MS4A7: variants seen among roughly 807,000 people sequenced by gnomAD.
The protein encoded by MS4A7 is membrane spanning 4-domains A7.
MS4A7 carries 21 observed loss-of-function variants against 23.5 expected under a neutral mutation model. The ratio of observed to expected loss-of-function variants is 0.89; its 90% CI spans 0.63 to 1.29. The LOEUF (loss-of-function observed/expected upper bound fraction) is 1.29. Ranked by LOEUF, MS4A7 falls within the 50% of genes most tolerant of loss-of-function variation. MS4A7 has a pLI of 0.00. For missense variants in MS4A7, 263 were observed against 274.2 expected (o/e 0.96, Z 0.29); for synonymous variants, 111 against 107.4 (o/e 1.03, Z -0.21).
chr11:60,392,864 A>T, intron 6 of MS4A7, 78 bp downstream of exon 6: 1 of 1,029,246 alleles, frequency 9.7e-7, no homozygotes, highest in Non-Finnish European at 1.5e-6. Flanking sequence ...AAAAAGTGGC[A>T]AAAAGAAGAA....
intron 1 of MS4A7, among the ~76,000 whole-genome samples, chr11:60,379,958 C>T (rs1190701336): frequency 6.6e-6 from 1 of 152,208 alleles, no homozygotes; most frequent in Non-Finnish European, 1.5e-5. Context: ...GCCCATTAAA[C>T]AATAGCTTTC....
chr11:60,386,131 C>T (rs1414852000), intron 3 of MS4A7, among the ~76,000 whole-genome samples: 1 of 152,214 alleles, frequency 6.6e-6, no homozygotes, highest in Non-Finnish European at 1.5e-5. Context: ...AACTTTTCAG[C>T]TTCTCAGAAT....
chr11:60,380,601 C>T (rs1450142335), intron 1 of MS4A7, among the ~76,000 whole-genome samples: 3 of 152,028 alleles, frequency 2.0e-5, no homozygotes, highest in Non-Finnish European at 2.9e-5. Context: ...GTATGAGATT[C>T]GAAAAATAAA....
At position 60,393,827 on chromosome 11, in the gene MS4A7, AG is replaced by A; in HGVS notation, c.691del (p.Val231SerfsTer12). 1.2e-6 allele frequency: 2 copies of A among 1,612,192 alleles called. No homozygotes were observed. Among genetic ancestry groups the A allele is most frequent in the Non-Finnish European group, 1.7e-6 (2 of 1,179,322 alleles). On this transcript the variant is annotated frameshift_variant, in exon 7 of 7. Transcript: ENST00000300184. LOFTEE classifies it low-confidence loss of function (END_TRUNC). ...SSTQSQDHIQQVKKSSSRSWI is the reference protein window; with the variant it reads ...SSTQSQDHIQXVKKSSSRSWI Reference sequence around the variant, plus strand: ...ACCCAGTCACAAGATCATATCCAACAGGTCAAAAAGAGTTCTTCACGGTCTT... The same window carrying A: ...ACCCAGTCACAAGATCATATCCAACAGTCAAAAAGAGTTCTTCACGGTCTT...
rs371887259 is a variant in MS4A7 at position 60,385,002 on chromosome 11, ACT to A, written c.148-83_148-82del. On this transcript the variant is annotated intron_variant, in intron 2 of 6. Transcript: ENST00000300184. ...TATAACAAATTATAATGTATTTTAT[ACT>A]CTTTATACTTTACCGTGTGCATTCA... 1.1e-3 allele frequency: 1,359 copies of A among 1,240,152 alleles called. 13 individuals are homozygous for A. In the African/African-American group the frequency reaches 0.018, roughly 17 times the overall value. The allele number at this position is 1,240,152 out of a possible 1,614,324, so 76.8% of individuals were successfully genotyped here. A position where few individuals can be genotyped will look rare whatever the true frequency, so the allele number is the denominator to read the frequency against.
intron 5 of MS4A7, among the ~76,000 whole-genome samples, chr11:60,391,073 C>A (rs2085545095): frequency 6.6e-6 from 1 of 152,134 alleles, no homozygotes; most frequent in African/African-American, 2.4e-5. Context: ...ACATCCATGA[C>A]AAGATTTGGC....
At chr11:60,386,998 A>C (rs1411206316) in intron 4 of MS4A7, among the ~76,000 whole-genome samples, 1 of 152,184 alleles carries the variant, frequency 6.6e-6, no homozygotes, top group Non-Finnish European at 1.5e-5. Flanking sequence ...TTGCTCCTGG[A>C]TTATATTCCA....
Position 60,386,704 on chromosome 11 carries a change from C to G in MS4A7, c.283-13C>G, listed in dbSNP as rs200601382. On this transcript the variant is annotated splice_polypyrimidine_tract_variant and intron_variant, in intron 3 of 6. Transcript: ENST00000300184. ...AGACAACTGAACTGATCATTTCTCT[C>G]TCTTCTGGGCAGTTTGGCATTACTG... 1 of 1,607,650 alleles carries G rather than the reference C, an allele frequency of 6.2e-7. No individual in the cohort carries two copies. The highest frequency in any genetic ancestry group is 1.1e-5 in the South Asian group (1 of 90,572).
intron 5 of MS4A7, among the ~76,000 whole-genome samples, chr11:60,390,691 A>G (rs995168353): frequency 6.6e-6 from 1 of 152,160 alleles, no homozygotes; most frequent in African/African-American, 2.4e-5. Context: ...TAATTTAAAG[A>G]AAATGAATTT....
At chr11:60,381,541 G>A (rs1484042942) in intron 1 of MS4A7, among the ~76,000 whole-genome samples, 2 of 152,172 alleles carry the variant, frequency 1.3e-5, no homozygotes, top group Admixed American at 6.5e-5. Context: ...ATCCTCACAA[G>A]AGTCCTTCAG....
Position 60,383,279 on chromosome 11 carries a change from C to T in MS4A7, c.138C>T (p.Thr46=), listed in dbSNP as rs779202459. The T allele has an allele frequency of 1.5e-5, 24 of 1,613,914 alleles. No individual in the cohort carries two copies. Among genetic ancestry groups the T allele is most frequent in the Non-Finnish European group, 1.7e-5 (20 of 1,179,972 alleles). ...AGAACGGGCTGCCAACAGAAACCAC[C>T]GTTCTTGGGGTAAGTCCACCTCATT... ...YLQNGLPTET[T]VLGTVQILCC... The change falls in exon 2 of 7, where the codon ACC becomes ACT. Residue 46 remains threonine, a synonymous_variant. Coordinates refer to ENST00000300184, the MANE Select transcript of MS4A7 (RefSeq NM_021201.5).
rs764962853 is a variant in MS4A7, at chr11:60,385,214, G to A, written c.274G>A (p.Ala92Thr). The change falls in exon 3 of 7, where the codon GCT (alanine) becomes ACT (threonine). Residue 92 changes from alanine (A) to threonine (T), a missense_variant. Physicochemically the swap from Ala to Thr is moderately conservative, Grantham distance 58 (BLOSUM62 0). Coordinates refer to ENST00000300184, the MANE Select transcript of MS4A7 (RefSeq NM_021201.5). ...TLMSGYPFLG[A>T]LCFGITGSLS... ...GATGTCTGGGTACCCATTTTTAGGA[G>A]CTCTGTGTGTGAGTAGAATGGGGAC... is the stretch of plus-strand genomic sequence containing the variant. The A allele has an allele frequency of 1.2e-6, 2 of 1,614,108 alleles. No individual in the cohort carries two copies. The highest frequency in any genetic ancestry group is 1.7e-6 in the Non-Finnish European group (2 of 1,180,006).
chr11:60,384,995 A>T (rs1052672567), intron 2 of MS4A7, 93 bp from the exon 3 acceptor site: 21 of 1,198,498 alleles, frequency 1.8e-5, no homozygotes, highest in Non-Finnish European at 2.5e-5. Context: ...ATTATAATGT[A>T]TTTTATACTC....
In MS4A7 at chr11:60,383,178, A is replaced by C; in HGVS notation, c.37A>C (p.Ser13Arg). 6.2e-7 allele frequency: 1 copy of C among 1,614,126 alleles called. No homozygotes were observed. The highest frequency in any genetic ancestry group is 8.5e-7 in the Non-Finnish European group (1 of 1,179,978). The change falls in exon 2 of 7, where the codon AGC (serine) becomes CGC (arginine). Residue 13 changes from serine to arginine, a missense_variant. Ser to Arg is a moderately radical substitution (Grantham distance 110). Transcript: ENST00000300184. Reference sequence around the variant, plus strand: ...ATCCCAAACCATGGGGGTTTCTCACAGCTTTACACCAAAGGGCATCACTAT... The same window carrying C: ...ATCCCAAACCATGGGGGTTTCTCACCGCTTTACACCAAAGGGCATCACTAT... ...LQSQTMGVSH[S>R]FTPKGITIPQ...
intron 5 of MS4A7, 129 bp downstream of exon 5, chr11:60,389,725 A>G: frequency 1.2e-6 from 1 of 838,966 alleles, no homozygotes; most frequent in African/African-American, 1.7e-5. Context: ...AATAAACAAA[A>G]ACTTGTGGTT....
intron 3 of MS4A7, among the ~76,000 whole-genome samples, chr11:60,386,119 G>A (rs763420358): frequency 1.2e-4 from 19 of 152,186 alleles, no homozygotes; most frequent in Non-Finnish European, 2.2e-4. Context: ...ACACACTTAA[G>A]CAACTTTTCA....
intron 3 of MS4A7, among the ~76,000 whole-genome samples, chr11:60,385,676 A>AT (rs1236723401): frequency 6.6e-6 from 1 of 152,162 alleles, no homozygotes; most frequent in Non-Finnish European, 1.5e-5. Context: ...CAAGGGTAAG[A>AT]TTCATGGGAG....
intron 1 of MS4A7, among the ~76,000 whole-genome samples, chr11:60,382,176 TTAG>T (rs2085437385): frequency 6.6e-6 from 1 of 151,986 alleles, no homozygotes; most frequent in African/African-American, 2.4e-5. Context: ...TGCTGCTGAG[TTAG>T]TGGTGGCAGA....
intron 1 of MS4A7, among the ~76,000 whole-genome samples, chr11:60,381,119 T>C (rs1361977050): frequency 6.6e-6 from 1 of 152,240 alleles, no homozygotes; most frequent in Admixed American, 6.5e-5. Flanking sequence ...ATGTTAGCAA[T>C]GATTATCATT....
Sources: gnomAD v4.1 joint callset for allele counts (sites outside exome capture counted in the v4.1 genomes callset) on GRCh38, gnomAD v4.1.1 for gene constraint, MANE v1.5 for transcripts, NCBI Gene and HGNC (gene_info 2026-07-23, HGNC 2026-07-21) for gene names.